Variants in ACVR2B observed in about 807,000 individuals in gnomAD.
ACVR2B encodes the protein activin A receptor type 2B.
ACVR2B carries 18 observed loss-of-function variants against 65.1 expected under a neutral mutation model. That is an observed-to-expected ratio of 0.28 (90% CI 0.19 to 0.41). The LOEUF (loss-of-function observed/expected upper bound fraction) is 0.41. ACVR2B is among the 10% of genes least tolerant of loss of function. The pLI, the probability that ACVR2B is intolerant of heterozygous loss-of-function variation, is 1.00. For synonymous variants in ACVR2B, 298 were observed against 277.7 expected (o/e 1.07, Z -0.73); for missense variants, 482 against 682.7 (o/e 0.71, Z 3.28).
In ACVR2B at chr3:38,492,839, A is replaced by C. The variant is rs2059824417; in HGVS notation, c.*9507A>C. ...AATGGCCTAAAGCAGACATCCATGT[A>C]ATTACAGTTGCAAAATGAAAACATT... is the stretch of plus-strand genomic sequence containing the variant. On this transcript the variant is annotated 3_prime_UTR_variant, in exon 11 of 11. Coordinates refer to ENST00000352511, the MANE Select transcript of ACVR2B (RefSeq NM_001106.4). 1 of 151,910 alleles carries C rather than the reference A, an allele frequency of 6.6e-6. No individual in the cohort carries two copies. Among genetic ancestry groups the C allele is most frequent in the Non-Finnish European group, 1.5e-5 (1 of 67,958 alleles). 9.4% of individuals were successfully genotyped at this position (151,910 alleles called of 1,614,324 possible). A position where few individuals can be genotyped will look rare whatever the true frequency, so the allele number is the denominator to read the frequency against.
rs138692827 is a variant in ACVR2B at position 38,479,793 on chromosome 3, G to C, written c.926G>C (p.Arg309Pro). The part of the protein sequence containing the change: ...SYLHEDVPWC[R>P]GEGHKPSIAH... ...CTGCATGAGGATGTGCCCTGGTGCCGTGGCGAGGGCCACAAGCCGTCTATT... is the reference window on the plus strand; with the variant it reads ...CTGCATGAGGATGTGCCCTGGTGCCCTGGCGAGGGCCACAAGCCGTCTATT... Residue 309 changes from arginine to proline, a missense_variant, in exon 7 of 11, where the codon CGT (arginine) becomes CCT (proline). Around this residue, in one of 5 missense-constraint regions of ACVR2B, gnomAD observed 223 missense variants for 386.3 expected, o/e 0.58. Transcript: ENST00000352511. The C allele has an allele frequency of 6.2e-7, 1 of 1,614,126 alleles. No individual in the cohort carries two copies. The highest frequency in any genetic ancestry group is 8.5e-7 in the Non-Finnish European group (1 of 1,180,054).
chr3:38,483,090 G>T lies in ACVR2B; in HGVS notation c.1345-48G>T, dbSNP rs745976018. Reference sequence around the variant, plus strand: ...CTGTCCCCCAAAGCTTTTCCTCACTGAAGGGTCCTAACAAAGGTGTCTTTC... The same window carrying T: ...CTGTCCCCCAAAGCTTTTCCTCACTTAAGGGTCCTAACAAAGGTGTCTTTC... On this transcript the variant is annotated intron_variant, in intron 10 of 10. Coordinates refer to ENST00000352511, the MANE Select transcript of ACVR2B (RefSeq NM_001106.4). This position sits in a 1 kb window ranked among gnomAD's most constrained non-coding sequence, Gnocchi z 4.8. The T allele has an allele frequency of 6.2e-7, 1 of 1,607,892 alleles. No homozygotes were observed. The highest frequency in any genetic ancestry group is 8.5e-7 in the Non-Finnish European group (1 of 1,174,780).
rs751170045 is a variant in ACVR2B at position 38,491,243 on chromosome 3, C to T, written c.*7911C>T. The T allele has an allele frequency of 3.9e-5, 6 of 152,544 alleles. No individual in the cohort carries two copies. Among genetic ancestry groups the T allele is most frequent in the Non-Finnish European group, 7.4e-5 (5 of 68,026 alleles). 9.4% of individuals were successfully genotyped at this position (152,544 alleles called of 1,614,324 possible). On this transcript the variant is annotated 3_prime_UTR_variant, in exon 11 of 11. Coordinates refer to ENST00000352511, the MANE Select transcript of ACVR2B (RefSeq NM_001106.4). ...TTTAATTAACCAGCAGTCACCGCATCTGAATTTTTGTCTCTGGGGCATAGA... is the reference window on the plus strand; with the variant it reads ...TTTAATTAACCAGCAGTCACCGCATTTGAATTTTTGTCTCTGGGGCATAGA...
At chr3:38,459,809 A>G (rs2125712772) in intron 1 of ACVR2B, 2 of 319,534 alleles carry the variant, frequency 6.3e-6, no homozygotes, top group Non-Finnish European at 9.0e-6. Flanking sequence ...CAGGCAGCCG[A>G]CACTGGAGGC....
intron 1 of ACVR2B, among the ~76,000 whole-genome samples, chr3:38,462,600 A>G (rs928550232): frequency 6.6e-6 from 1 of 152,188 alleles, no homozygotes; most frequent in African/African-American, 2.4e-5. Context: ...GCTATGTTGG[A>G]TGTCATGGCT....
At position 38,485,671 on chromosome 3, in the gene ACVR2B, T is replaced by A. The variant is rs2125728754; in HGVS notation, c.*2339T>A. Reference sequence around the variant, plus strand: ...GTTTCGGTAAGCTATGTTGTCTTTTTTTTTTTTTTTTTTTTTTTTTTTAAT... The same window carrying A: ...GTTTCGGTAAGCTATGTTGTCTTTTATTTTTTTTTTTTTTTTTTTTTTAAT... On this transcript the variant is annotated 3_prime_UTR_variant, in exon 11 of 11. Transcript: ENST00000352511. The A allele has an allele frequency of 7.2e-6, 1 of 139,236 alleles. No individual in the cohort carries two copies. Among genetic ancestry groups the A allele is most frequent in the South Asian group, 2.3e-4 (1 of 4,300 alleles). 8.6% of individuals were successfully genotyped at this position (139,236 alleles called of 1,614,324 possible). A position where few individuals can be genotyped will look rare whatever the true frequency, so the allele number is the denominator to read the frequency against.
At position 38,481,485 on chromosome 3, in the gene ACVR2B, A is replaced by C; in HGVS notation, c.1074+20A>C. On this transcript the variant is annotated intron_variant, in intron 8 of 10. Coordinates refer to ENST00000352511, the MANE Select transcript of ACVR2B (RefSeq NM_001106.4). This position sits in a 1 kb window ranked among gnomAD's most constrained non-coding sequence, Gnocchi z 4.7. Reference sequence around the variant, plus strand: ...GGACAGGTAACAGGCCTCACAGGGCAGGAAGAGAGGGACAGACCCAGGGTA... The same window carrying C: ...GGACAGGTAACAGGCCTCACAGGGCCGGAAGAGAGGGACAGACCCAGGGTA... The C allele has an allele frequency of 6.3e-7, 1 of 1,598,176 alleles. No individual in the cohort carries two copies. The highest frequency in any genetic ancestry group is 1.3e-5 in the African/African-American group (1 of 74,754).
intron 1 of ACVR2B, among the ~76,000 whole-genome samples, chr3:38,460,386 C>A (rs1709623582): frequency 6.6e-6 from 1 of 152,200 alleles, no homozygotes; most frequent in Non-Finnish European, 1.5e-5. Flanking sequence ...CTGCCTTCTT[C>A]TGACTCTATT....
intron 1 of ACVR2B, among the ~76,000 whole-genome samples, chr3:38,471,364 C>A (rs1410766755): frequency 1.3e-5 from 2 of 152,158 alleles, no homozygotes; most frequent in Non-Finnish European, 1.5e-5. Flanking sequence ...TTCACACTCA[C>A]CAGGTGAACC....
At chr3:38,466,693 CAG>C (rs1386504012) in intron 1 of ACVR2B, among the ~76,000 whole-genome samples, 1 of 152,028 alleles carries the variant, frequency 6.6e-6, no homozygotes, top group Non-Finnish European at 1.5e-5. Context: ...TTAGTAGAGA[CAG>C]AGTTTCACCA....
chr3:38,467,259 C>T (rs1709746040), intron 1 of ACVR2B, among the ~76,000 whole-genome samples: 2 of 152,070 alleles, frequency 1.3e-5, no homozygotes, highest in African/African-American at 4.8e-5. Flanking sequence ...ACCAGCCTGA[C>T]CAACATGGAG....
intron 6 of ACVR2B, 141 bp downstream of exon 6, chr3:38,479,412 A>C: frequency 1.5e-6 from 2 of 1,320,604 alleles, no homozygotes; most frequent in Non-Finnish European, 1.1e-6. Context: ...CTATGGGGTT[A>C]CTCCTGCCAT....
intron 5 of ACVR2B, 126 bp from the exon 6 acceptor site, chr3:38,479,002 G>A (rs1709965706): frequency 1.6e-6 from 2 of 1,259,548 alleles, no homozygotes; most frequent in Middle Eastern, 2.6e-4. Flanking sequence ...GAGGCTGGGG[G>A]GTGGGGATTG....
At chr3:38,454,403 C>A (rs1370745723) in intron 1 of ACVR2B, 29 bp downstream of exon 1, 3 of 1,245,190 alleles carry the variant, frequency 2.4e-6, no homozygotes, top group South Asian at 6.5e-5. Context: ...GCGGGGACGC[C>A]GAGAGGGCGC....
rs1422186572 is a variant in ACVR2B, at chr3:38,477,559, T to C, written c.260+65T>C. On this transcript the variant is annotated intron_variant, in intron 2 of 10. Transcript: ENST00000352511. This position sits in a 1 kb window ranked among gnomAD's most constrained non-coding sequence, Gnocchi z 6.7. ...TGCGCTTATACTGCCCACTGGGCCA[T>C]TTGGGTCTCAGGATGTCTGAGTGGG... 3.4e-5 allele frequency: 53 copies of C among 1,557,096 alleles called. No homozygotes were observed. Among genetic ancestry groups the C allele is most frequent in the Non-Finnish European group, 4.6e-5 (53 of 1,142,760 alleles).
intron 1 of ACVR2B, among the ~76,000 whole-genome samples, chr3:38,455,191 G>T (rs987350468): frequency 2.6e-5 from 4 of 152,088 alleles, no homozygotes; most frequent in Non-Finnish European, 5.9e-5. Flanking sequence ...GCGGAGTTCC[G>T]CCTGGAAAGC....
chr3:38,483,427 A>G lies in ACVR2B; in HGVS notation c.*95A>G. On this transcript the variant is annotated 3_prime_UTR_variant, in exon 11 of 11. Transcript: ENST00000352511. The surrounding 1 kb of genome is among the most constrained non-coding windows in gnomAD (Gnocchi z 4.8). ...TTTGGAAATCCCATAAAACCAACAA[A>G]CACATAAAATGCAGCTGCTATTTTA... 8.5e-7 allele frequency: 1 copy of G among 1,181,230 alleles called. No homozygotes were observed. Among genetic ancestry groups the G allele is most frequent in the Non-Finnish European group, 1.2e-6 (1 of 801,194 alleles). The allele number at this position is 1,181,230 out of a possible 1,614,324, so 73.2% of individuals were successfully genotyped here. A position where few individuals can be genotyped will look rare whatever the true frequency, so the allele number is the denominator to read the frequency against.
At position 38,492,782 on chromosome 3, in the gene ACVR2B, AC is replaced by A. The variant is rs2125734344; in HGVS notation, c.*9451del. 1 of 60,628 alleles carries A rather than the reference AC, an allele frequency of 1.6e-5. No individual in the cohort carries two copies. Among genetic ancestry groups the A allele is most frequent in the African/African-American group, 4.8e-5 (1 of 20,880 alleles). The allele number at this position is 60,628 out of a possible 1,614,324, so 3.8% of individuals were successfully genotyped here. ...CACACACACACACACACACACACAC[AC>A]ACACACACACACACACACACATACA... is the stretch of plus-strand genomic sequence containing the variant. On this transcript the variant is annotated 3_prime_UTR_variant, in exon 11 of 11. Transcript: ENST00000352511.
Position 38,492,778 on chromosome 3 carries a change from AC to A in ACVR2B, c.*9447del, listed in dbSNP as rs2059821546. ...CACACACACACACACACACACACAC[AC>A]ACACACACACACACACACACACACA... On this transcript the variant is annotated 3_prime_UTR_variant, in exon 11 of 11. Coordinates refer to ENST00000352511, the MANE Select transcript of ACVR2B (RefSeq NM_001106.4). 1 of 114,442 alleles carries A rather than the reference AC, an allele frequency of 8.7e-6. No homozygotes were observed. Among genetic ancestry groups the A allele is most frequent in the Non-Finnish European group, 1.8e-5 (1 of 54,158 alleles). 7.1% of individuals were successfully genotyped at this position (114,442 alleles called of 1,614,324 possible).
Sources: allele counts gnomAD v4.1 joint callset (sites outside exome capture counted in the v4.1 genomes callset), GRCh38; gene constraint gnomAD v4.1.1; regional missense constraint gnomAD v4.1.1; non-coding constraint Gnocchi (gnomAD v3.1); transcripts MANE v1.5; gene names NCBI Gene and HGNC (gene_info 2026-07-23, HGNC 2026-07-21).